Variants in RARB observed in about 807,000 individuals in gnomAD.
RARB encodes the protein retinoic acid receptor beta.
A neutral mutation model predicts 51.9 loss-of-function variants in RARB; 17 were observed. The observed-to-expected ratio is 0.33, with a 90% CI of 0.22 to 0.49. The LOEUF (loss-of-function observed/expected upper bound fraction) is 0.49. Among genes scored for constraint, RARB ranks in the 20% least tolerant of loss-of-function variants. The pLI is 0.99. For missense variants in RARB, 369 were observed against 550.8 expected (o/e 0.67, Z 3.30); for synonymous variants, 215 against 195.4 (o/e 1.10, Z -0.84).
At chr3:24,999,997 G>A (rs1449885718) in intron 2 of RARB, among the ~76,000 whole-genome samples, 2 of 57,110 alleles carry the variant, frequency 3.5e-5, no homozygotes, top group Non-Finnish European at 6.2e-5. Flanking sequence ...TCACTCCTGA[G>A]ATCTGTCCAG....
chr3:24,912,400 A>T (rs1460742391), intron 2 of RARB, among the ~76,000 whole-genome samples: 1 of 151,394 alleles, frequency 6.6e-6, no homozygotes, highest in African/African-American at 2.4e-5. Context: ...TACTTAATAC[A>T]ATGTCTGGTA....
intron 5 of RARB, among the ~76,000 whole-genome samples, chr3:25,269,709 G>A (rs953423886): frequency 6.6e-6 from 1 of 152,066 alleles, no homozygotes. Flanking sequence ...CTAATTTTAA[G>A]GGCTTTATGA....
intron 5 of RARB, among the ~76,000 whole-genome samples, chr3:25,215,714 C>T (rs944011878): frequency 6.6e-6 from 1 of 152,128 alleles, no homozygotes; most frequent in African/African-American, 2.4e-5. Flanking sequence ...TTCCTCTGGC[C>T]TTCTGTCTAT....
intron 2 of RARB, among the ~76,000 whole-genome samples, chr3:24,925,058 C>T (rs936139424): frequency 3.9e-5 from 6 of 152,162 alleles, no homozygotes; most frequent in African/African-American, 1.2e-4. Flanking sequence ...CACATGGTAA[C>T]GAAAGGCAAA....
At chr3:25,578,599 G>A (rs1701040509) in intron 4 of RARB, among the ~76,000 whole-genome samples, 1 of 152,136 alleles carries the variant, frequency 6.6e-6, no homozygotes, top group African/African-American at 2.4e-5. Flanking sequence ...TTTAATTACG[G>A]CCCAAATGGC....
At chr3:25,014,876 C>T (rs1697475653) in intron 2 of RARB, among the ~76,000 whole-genome samples, 2 of 152,092 alleles carry the variant, frequency 1.3e-5, no homozygotes, top group Non-Finnish European at 1.5e-5. Flanking sequence ...TTCACCTCTC[C>T]TCCTATTTTG....
intron 1 of RARB, among the ~76,000 whole-genome samples, chr3:24,841,887 T>G (rs1354312300): frequency 6.6e-6 from 1 of 152,212 alleles, no homozygotes; most frequent in Non-Finnish European, 1.5e-5. Flanking sequence ...ATCCTTCATC[T>G]TAAATATAAT....
intron 5 of RARB, among the ~76,000 whole-genome samples, chr3:25,264,512 A>G (rs1703080640): frequency 6.6e-6 from 1 of 152,218 alleles, no homozygotes; most frequent in South Asian, 2.1e-4. Flanking sequence ...TAGCTTTCTT[A>G]AGATTAACTT....
intron 2 of RARB, among the ~76,000 whole-genome samples, chr3:25,016,700 A>T (rs192002543): frequency 6.6e-6 from 1 of 152,246 alleles, no homozygotes; most frequent in African/African-American, 2.4e-5. Context: ...CAGAAATTCA[A>T]TCATGGTCAA....
At chr3:24,955,126 TTA>T (rs1193749893) in intron 2 of RARB, among the ~76,000 whole-genome samples, 1 of 152,054 alleles carries the variant, frequency 6.6e-6, no homozygotes, top group Non-Finnish European at 1.5e-5. Context: ...GCGGAGGATT[TTA>T]TTAAGTGGAG....
At position 25,093,964 on chromosome 3, in the gene RARB, A is replaced by T. The variant is rs1292121007; in HGVS notation, c.-328+33788A>T. ...TAAAACACATATACACACAAAACAA[A>T]ATACCAAATACAAGATCTGTGTGTA... On this transcript the variant is annotated intron_variant, in intron 3 of 11. Transcript: ENST00000383772. 6.6e-5 allele frequency among the ~76,000 whole-genome samples: 10 copies of T among 152,230 alleles called. No homozygotes were observed. In the South Asian group the frequency reaches 2.1e-3, roughly 32 times the overall value.
chr3:25,335,732 G>A (rs322684), intron 5 of RARB, among the ~76,000 whole-genome samples: 30,933 of 152,144 alleles, frequency 0.2, 3,666 homozygotes, highest in Admixed American at 0.32. Flanking sequence ...CTGCAAGAGT[G>A]GACAGGGAGA....
At chr3:25,442,493 G>A (rs866499460) in intron 1 of RARB, among the ~76,000 whole-genome samples, 1 of 152,124 alleles carries the variant, frequency 6.6e-6, no homozygotes, top group Admixed American at 6.5e-5. Context: ...AGTGGCTACT[G>A]TATTAAACAA....
chr3:25,119,676 C>CAA (rs1004935598), intron 3 of RARB, among the ~76,000 whole-genome samples: 160 of 150,610 alleles, frequency 1.1e-3, no homozygotes, highest in African/African-American at 3.8e-3. Flanking sequence ...AAAACAACAA[C>CAA]AAAAAAAACA....
intron 3 of RARB, among the ~76,000 whole-genome samples, chr3:25,558,456 A>G (rs369259030): frequency 6.7e-6 from 1 of 150,198 alleles, no homozygotes; most frequent in South Asian, 2.1e-4. Context: ...CCCACAGTTC[A>G]TCTGCTTTCA....
intron 2 of RARB, among the ~76,000 whole-genome samples, chr3:24,869,060 C>G (rs2125347784): frequency 6.6e-6 from 1 of 152,256 alleles, no homozygotes; most frequent in South Asian, 2.1e-4. Flanking sequence ...TAGAGTTGGA[C>G]TCTTTTCATC....
chr3:25,520,755 A>T (rs1385678377), intron 3 of RARB, among the ~76,000 whole-genome samples: 1 of 152,200 alleles, frequency 6.6e-6, no homozygotes, highest in African/African-American at 2.4e-5. Flanking sequence ...ATAGCCACAC[A>T]TGATATATAG....
At chr3:25,218,100 A>G (rs1429349917) in intron 5 of RARB, among the ~76,000 whole-genome samples, 2 of 152,126 alleles carry the variant, frequency 1.3e-5, no homozygotes, top group South Asian at 2.1e-4. Flanking sequence ...GGTATTTCCT[A>G]TAAGCCTTTT....
intron 3 of RARB, among the ~76,000 whole-genome samples, chr3:25,514,197 GAGTAC>G (rs1000869312): frequency 4.6e-5 from 7 of 152,138 alleles, no homozygotes; most frequent in African/African-American, 9.7e-5. Flanking sequence ...TCCTTGCATA[GAGTAC>G]AGTCTGGAAT....
Sources: gnomAD v4.1 joint callset for allele counts (sites outside exome capture counted in the v4.1 genomes callset) on GRCh38, gnomAD v4.1.1 for gene constraint, MANE v1.5 for transcripts, NCBI Gene and HGNC (gene_info 2026-07-23, HGNC 2026-07-21) for gene names.